Variants in SRD5A3 observed in about 807,000 individuals in gnomAD.
SRD5A3 encodes steroid 5 alpha-reductase 3.
A neutral mutation model predicts 34.3 loss-of-function variants in SRD5A3; 24 were observed. That is an observed-to-expected ratio of 0.70 (90% CI 0.51 to 0.99). The LOEUF (loss-of-function observed/expected upper bound fraction) is 0.99, where lower values mean the gene tolerates loss of function less well. Ranked by LOEUF, SRD5A3 falls within the 50% of genes least tolerant of loss-of-function variation. SRD5A3 has a pLI of 0.00. For missense variants in SRD5A3, 350 were observed against 388.2 expected (o/e 0.90, Z 0.83); for synonymous variants, 161 against 167.3 (o/e 0.96, Z 0.29).
At chr4:55,350,243 A>G (rs1719137704) in intron 1 of SRD5A3, among the ~76,000 whole-genome samples, 1 of 152,136 alleles carries the variant, frequency 6.6e-6, no homozygotes. Flanking sequence ...GGTGGCGAGC[A>G]CCGGTAATTC....
chr4:55,346,655 C>G (rs1045334826), intron 1 of SRD5A3, 98 bp downstream of exon 1: 1 of 1,215,408 alleles, frequency 8.2e-7, no homozygotes, highest in African/African-American at 1.6e-5. Context: ...AGAGGCGGGA[C>G]CCGGCCTGGG....
At position 55,372,564 on chromosome 4, in the gene SRD5A3, C is replaced by G. The variant is rs1720166228; in HGVS notation, c.*2473C>G. 6.6e-6 allele frequency: 1 copy of G among 152,154 alleles called. No homozygotes were observed. Among genetic ancestry groups the G allele is most frequent in the Non-Finnish European group, 1.5e-5 (1 of 68,036 alleles). 9.4% of individuals were successfully genotyped at this position (152,154 alleles called of 1,614,324 possible). On this transcript the variant is annotated 3_prime_UTR_variant, in exon 5 of 5. Coordinates refer to ENST00000264228, the MANE Select transcript of SRD5A3 (RefSeq NM_024592.5). ...ATTGAGAATTGTGCAGTGCTTGCAG[C>G]GTCAGAATCAGCACTGTTTTTTGTG... is the stretch of plus-strand genomic sequence containing the variant.
intron 1 of SRD5A3, among the ~76,000 whole-genome samples, chr4:55,353,881 G>A (rs1444798941): frequency 2.0e-5 from 3 of 152,258 alleles, no homozygotes; most frequent in Admixed American, 6.5e-5. Context: ...CACTCACTGC[G>A]AGAGTCCACA....
chr4:55,346,878 G>A (rs1486492386), intron 1 of SRD5A3, among the ~76,000 whole-genome samples: 1 of 152,234 alleles, frequency 6.6e-6, no homozygotes, highest in African/African-American at 2.4e-5. Flanking sequence ...ATTTAGGCCT[G>A]GTCATGCGAA....
rs184712732 is a variant in SRD5A3 at position 55,353,867 on chromosome 4, G to A, written c.222-5479G>A. On this transcript the variant is annotated intron_variant, in intron 1 of 4. Coordinates refer to ENST00000264228, the MANE Select transcript of SRD5A3 (RefSeq NM_024592.5). ...TCTGGACACACCATTTTTAAGAACC[G>A]TAACACTCACTGCGAGAGTCCACAG... is the stretch of plus-strand genomic sequence containing the variant. Among the ~76,000 whole-genome samples, 245 of 152,268 alleles carry A rather than the reference G, an allele frequency of 1.6e-3. 3 individuals carry two copies. The South Asian group carries it at 0.043, about 27-fold the overall frequency.
intron 1 of SRD5A3, among the ~76,000 whole-genome samples, chr4:55,353,684 G>A (rs906701026): frequency 1.3e-5 from 2 of 151,906 alleles, no homozygotes; most frequent in South Asian, 2.1e-4. Context: ...GCGAGACCAC[G>A]AACCCACCTG....
At chr4:55,354,616 C>G (rs75814680) in intron 1 of SRD5A3, among the ~76,000 whole-genome samples, 1 of 152,144 alleles carries the variant, frequency 6.6e-6, no homozygotes, top group East Asian at 1.9e-4. Context: ...CTGGAAAGGC[C>G]TTTCCCCAGA....
intron 1 of SRD5A3, among the ~76,000 whole-genome samples, chr4:55,353,331 C>T (rs1013438353): frequency 1.3e-5 from 2 of 152,216 alleles, no homozygotes; most frequent in African/African-American, 2.4e-5. Context: ...CAATAGTACT[C>T]TGTAAAAATG....
intron 1 of SRD5A3, chr4:55,359,108 G>A: frequency 1.9e-6 from 1 of 513,348 alleles, no homozygotes; most frequent in Non-Finnish European, 3.5e-6. Context: ...AACACAGTTG[G>A]TTGTGTTCTT....
At position 55,364,211 on chromosome 4, in the gene SRD5A3, G is replaced by C. The variant is rs753740467; in HGVS notation, c.502G>C (p.Val168Leu). 5 of 1,614,148 alleles carry C rather than the reference G, an allele frequency of 3.1e-6. No homozygotes were observed. Among genetic ancestry groups the C allele is most frequent in the Non-Finnish European group, 4.2e-6 (5 of 1,180,030 alleles). Residue 168 changes from valine to leucine, a missense_variant, in exon 3 of 5, where the codon GTC becomes CTC. Physicochemically the swap from Val to Leu is conservative, Grantham distance 32. Coordinates refer to ENST00000264228, the MANE Select transcript of SRD5A3 (RefSeq NM_024592.5). ...IHVVQYCFGL[V>L]YYVLVGLTVL... ...CGTCGTGCAGTACTGTTTTGGACTTGTCTATTATGTCCTTGTTGGCCTAAC... is the reference window on the plus strand; with the variant it reads ...CGTCGTGCAGTACTGTTTTGGACTTCTCTATTATGTCCTTGTTGGCCTAAC...
At chr4:55,363,918 G>A in intron 2 of SRD5A3, 156 bp from the exon 3 acceptor site, 1 of 773,428 alleles carries the variant, frequency 1.3e-6, no homozygotes, top group Non-Finnish European at 2.3e-6. Context: ...TTTGAGTGAA[G>A]TCAAATTCCT....
chr4:55,357,719 G>T (rs988648082), intron 1 of SRD5A3, among the ~76,000 whole-genome samples: 1 of 152,182 alleles, frequency 6.6e-6, no homozygotes, highest in African/African-American at 2.4e-5. Flanking sequence ...TTATTTATTT[G>T]TTAAGACACA....
At chr4:55,353,784 C>G (rs1032509981) in intron 1 of SRD5A3, among the ~76,000 whole-genome samples, 11 of 152,170 alleles carry the variant, frequency 7.2e-5, no homozygotes, top group South Asian at 2.1e-4. Flanking sequence ...TCAAGCGCAA[C>G]ACAAACCCAC....
intron 1 of SRD5A3, among the ~76,000 whole-genome samples, chr4:55,358,411 C>T (rs1719551534): frequency 6.6e-6 from 1 of 151,820 alleles, no homozygotes; most frequent in African/African-American, 2.4e-5. Context: ...TACTACAAGC[C>T]TGTGGTCCCA....
In SRD5A3 at chr4:55,365,184, A is replaced by G. The variant is rs114141438; in HGVS notation, c.562+913A>G. On this transcript the variant is annotated intron_variant, in intron 3 of 4. Coordinates refer to ENST00000264228, the MANE Select transcript of SRD5A3 (RefSeq NM_024592.5). ...TGTAATGACCATTGTCTCTAAACCC[A>G]GGGCTCCATGTTTTCAGCTGCCCTG... Among the ~76,000 whole-genome samples the G allele has an allele frequency of 2.5e-3, 378 of 152,280 alleles. 2 individuals carry two copies. Among genetic ancestry groups the G allele is most frequent in the African/African-American group, 8.9e-3 (368 of 41,560 alleles).
In SRD5A3 at chr4:55,360,252, A is replaced by C. The variant is rs185761228; in HGVS notation, c.364+764A>C. ...AATTACTTTTTAATTCATACCTGTA[A>C]TCCCAGCACTTTGGGAGGCCAAGGC... On this transcript the variant is annotated intron_variant, in intron 2 of 4. Coordinates refer to ENST00000264228, the MANE Select transcript of SRD5A3 (RefSeq NM_024592.5). Among the ~76,000 whole-genome samples the C allele has an allele frequency of 5.7e-3, 872 of 151,928 alleles. 11 individuals are homozygous for C. Among genetic ancestry groups the C allele is most frequent in the African/African-American group, 0.019 (803 of 41,414 alleles).
chr4:55,346,277 T>C lies in SRD5A3; in HGVS notation c.-60T>C. 1 of 1,334,928 alleles carries C rather than the reference T, an allele frequency of 7.5e-7. No individual in the cohort carries two copies. Among genetic ancestry groups the C allele is most frequent in the Non-Finnish European group, 9.6e-7 (1 of 1,043,750 alleles). The allele number at this position is 1,334,928 out of a possible 1,614,324, so 82.7% of individuals were successfully genotyped here. A position where few individuals can be genotyped will look rare whatever the true frequency, so the allele number is the denominator to read the frequency against. On this transcript the variant is annotated 5_prime_UTR_variant, in exon 1 of 5. Transcript: ENST00000264228. ...CGGTGCGCCGCGCGCTAGTGGCCGC[T>C]CTTCCGCGGGCTAGCGGGCGGTGGG...
chr4:55,357,115 G>C (rs1476442548), intron 1 of SRD5A3, among the ~76,000 whole-genome samples: 1 of 152,082 alleles, frequency 6.6e-6, no homozygotes, highest in African/African-American at 2.4e-5. Flanking sequence ...AGCCACCCTT[G>C]ACCATCCATC....
rs536152661 is a variant in SRD5A3 at position 55,371,646 on chromosome 4, A to G, written c.*1555A>G. On this transcript the variant is annotated 3_prime_UTR_variant, in exon 5 of 5. Transcript: ENST00000264228. ...TGTAACCCAAAACTGTTAAACTAAG[A>G]TTCCTTTGTTTTTTTTGTTTTTTTG... The G allele has an allele frequency of 2.6e-5, 4 of 152,126 alleles. No individual in the cohort carries two copies. In the South Asian group the frequency reaches 8.3e-4, roughly 32 times the overall value. The allele number at this position is 152,126 out of a possible 1,614,324, so 9.4% of individuals were successfully genotyped here. A position where few individuals can be genotyped will look rare whatever the true frequency, so the allele number is the denominator to read the frequency against.
Sources: gnomAD v4.1 joint callset for allele counts (sites outside exome capture counted in the v4.1 genomes callset) on GRCh38, gnomAD v4.1.1 for gene constraint, MANE v1.5 for transcripts, NCBI Gene and HGNC (gene_info 2026-07-23, HGNC 2026-07-21) for gene names.